TLN2: variants seen among roughly 807,000 people sequenced by gnomAD.
TLN2 encodes talin 2.
TLN2 carries 118 observed loss-of-function variants against 294.7 expected under a neutral mutation model. The ratio of observed to expected loss-of-function variants is 0.40; its 90% CI spans 0.34 to 0.47. The LOEUF (loss-of-function observed/expected upper bound fraction) is 0.47. Among genes scored for constraint, TLN2 ranks in the 20% least tolerant of loss-of-function variants. The probability of loss-of-function intolerance (pLI) is 0.84; values close to 1 mark genes in which losing one functional copy is unlikely to be tolerated. For synonymous variants in TLN2, 1,431 were observed against 1,304.5 expected (o/e 1.10, Z -2.09); for missense variants, 3,083 against 3,282.2 (o/e 0.94, Z 1.48).
At position 62,761,814 on chromosome 15, in the gene TLN2, G is replaced by A. The variant is rs141621869; in HGVS notation, c.4772G>A (p.Ser1591Asn). The change falls in exon 38 of 59, where the codon AGC (serine) becomes AAC (asparagine). Residue 1591 changes from serine to asparagine, a missense_variant. By Grantham distance (46) the Ser-to-Asn change is conservative. Coordinates refer to ENST00000636159, the MANE Select transcript of TLN2 (RefSeq NM_015059.3). ...PEFVSIPAQI[S>N]SEGSQAQEPI... ...TTTGTCAGCATTCCTGCCCAGATCAGCTCCGAGGTAGGGAGTGTTTACAGG... is the reference window on the plus strand; with the variant it reads ...TTTGTCAGCATTCCTGCCCAGATCAACTCCGAGGTAGGGAGTGTTTACAGG... The A allele has an allele frequency of 6.2e-7, 1 of 1,614,152 alleles. No homozygotes were observed. The highest frequency in any genetic ancestry group is 8.5e-7 in the Non-Finnish European group (1 of 1,180,024).
rs188254475 is a variant in TLN2 at position 62,407,995 on chromosome 15, T to A, written c.-238+17310T>A. Among the ~76,000 whole-genome samples the A allele has an allele frequency of 1.8e-3, 270 of 152,184 alleles. 1 individual carries two copies. Among genetic ancestry groups the A allele is most frequent in the African/African-American group, 5.9e-3 (243 of 41,516 alleles). ...CCCACTTGAGTCGGGGGCATTTCAA[T>A]CTGTAGAGCCCAAGGGGATTGTCTT... On this transcript the variant is annotated intron_variant, in intron 1 of 58. Coordinates refer to ENST00000636159, the MANE Select transcript of TLN2 (RefSeq NM_015059.3).
chr15:62,745,492 G>A (rs1021816118), intron 32 of TLN2, among the ~76,000 whole-genome samples: 2 of 152,060 alleles, frequency 1.3e-5, no homozygotes, highest in African/African-American at 4.8e-5. Flanking sequence ...ACATTATAAA[G>A]TCCCTTCACC....
chr15:62,571,648 G>A (rs1156441700), intron 1 of TLN2, among the ~76,000 whole-genome samples: 1 of 152,150 alleles, frequency 6.6e-6, no homozygotes, highest in East Asian at 1.9e-4. Context: ...AGAGGCAATG[G>A]TAGGCTCCCA....
intron 1 of TLN2, among the ~76,000 whole-genome samples, chr15:62,422,219 CAAAAA>C (rs386383227): frequency 1.8e-5 from 1 of 55,356 alleles, no homozygotes; most frequent in Non-Finnish European, 3.1e-5. Flanking sequence ...AACTCTGTCT[CAAAAA>C]AAAAAAAAAA....
chr15:62,615,169 AG>A (rs1033264087), intron 2 of TLN2, among the ~76,000 whole-genome samples: 2 of 152,224 alleles, frequency 1.3e-5, no homozygotes, highest in Non-Finnish European at 2.9e-5. Context: ...ATCTGAGAAC[AG>A]GCTTCTTTAT....
chr15:62,778,708 A>G (rs376975984), intron 43 of TLN2, among the ~76,000 whole-genome samples: 29 of 152,230 alleles, frequency 1.9e-4, no homozygotes, highest in African/African-American at 7.0e-4. Flanking sequence ...GGCTGGAAAT[A>G]AGTCAGGTGT....
chr15:62,627,384 G>C (rs76294621), intron 3 of TLN2, among the ~76,000 whole-genome samples: 5,034 of 152,312 alleles, frequency 0.033, 102 homozygotes, highest in Non-Finnish European at 0.049. Flanking sequence ...GCTCCTGATG[G>C]AGGGAGTTGG....
intron 1 of TLN2, among the ~76,000 whole-genome samples, chr15:62,542,485 C>T (rs562274316): frequency 2.0e-5 from 3 of 152,250 alleles, no homozygotes; most frequent in African/African-American, 7.2e-5. Flanking sequence ...GCATCGCGCC[C>T]GGCCCCATTT....
chr15:62,493,590 C>T (rs1173142511), intron 1 of TLN2, among the ~76,000 whole-genome samples: 3 of 151,856 alleles, frequency 2.0e-5, no homozygotes, highest in African/African-American at 4.8e-5. Context: ...GGAAGCTGGC[C>T]CAACACCATG....
At chr15:62,507,695 G>T (rs2039698316) in intron 1 of TLN2, among the ~76,000 whole-genome samples, 1 of 152,238 alleles carries the variant, frequency 6.6e-6, no homozygotes, top group South Asian at 2.1e-4. Flanking sequence ...CAGAGGAACT[G>T]TGTAATTGAA....
intron 1 of TLN2, among the ~76,000 whole-genome samples, chr15:62,545,875 G>A (rs1361574882): frequency 6.6e-6 from 1 of 152,170 alleles, no homozygotes; most frequent in Non-Finnish European, 1.5e-5. Flanking sequence ...CCAGACTGGT[G>A]CTGTCAATTC....
At chr15:62,587,951 G>A (rs1210253421) in intron 1 of TLN2, among the ~76,000 whole-genome samples, 3 of 152,056 alleles carry the variant, frequency 2.0e-5, no homozygotes, top group African/African-American at 7.2e-5. Context: ...CGTGATCTCG[G>A]CTCACTGCAA....
intron 1 of TLN2, among the ~76,000 whole-genome samples, chr15:62,393,936 C>T (rs1388403532): frequency 6.6e-6 from 1 of 151,760 alleles, no homozygotes; most frequent in Non-Finnish European, 1.5e-5. Flanking sequence ...CCACCATGCC[C>T]AGCTAATTTT....
At chr15:62,805,880 T>C in intron 51 of TLN2, 95 bp downstream of exon 51, 1 of 1,362,464 alleles carries the variant, frequency 7.3e-7, no homozygotes, top group South Asian at 1.6e-5. Flanking sequence ...GCTCAGAACC[T>C]TAAACTTTGT....
chr15:62,460,245 A>G (rs1475015117), intron 1 of TLN2, among the ~76,000 whole-genome samples: 9 of 151,506 alleles, frequency 5.9e-5, no homozygotes, highest in Admixed American at 5.3e-4. Context: ...CCTCACCTGA[A>G]TAAGTAGCCA....
chr15:62,571,773 C>G (rs1437565511), intron 1 of TLN2, among the ~76,000 whole-genome samples: 1 of 152,194 alleles, frequency 6.6e-6, no homozygotes, highest in African/African-American at 2.4e-5. Context: ...ATCATTTCAT[C>G]TGTACATATT....
intron 9 of TLN2, among the ~76,000 whole-genome samples, chr15:62,661,574 T>G (rs376286806): frequency 6.6e-6 from 1 of 152,178 alleles, no homozygotes; most frequent in Non-Finnish European, 1.5e-5. Flanking sequence ...TGGAATAAGA[T>G]ATGGTAAACA....
chr15:62,778,325 C>T (rs1309920244), intron 43 of TLN2, among the ~76,000 whole-genome samples: 3 of 152,094 alleles, frequency 2.0e-5, no homozygotes, highest in Non-Finnish European at 4.4e-5. Flanking sequence ...CCCTCTTCTG[C>T]GGGCCCTTGG....
intron 45 of TLN2, among the ~76,000 whole-genome samples, chr15:62,786,701 C>T (rs943172663): frequency 6.6e-6 from 1 of 152,146 alleles, no homozygotes; most frequent in Non-Finnish European, 1.5e-5. Context: ...CCCTTTCCCC[C>T]AGATGAAATG....
Sources: gnomAD v4.1 joint callset for allele counts (sites outside exome capture counted in the v4.1 genomes callset) on GRCh38, gnomAD v4.1.1 for gene constraint, MANE v1.5 for transcripts, NCBI Gene and HGNC (gene_info 2026-07-23, HGNC 2026-07-21) for gene names.